DCLK1: variants seen among roughly 807,000 people sequenced by gnomAD.
DCLK1 encodes serine/threonine-protein kinase DCLK1.
A neutral mutation model predicts 86.2 loss-of-function variants in DCLK1; 16 were observed. The ratio of observed to expected loss-of-function variants is 0.19; its 90% CI spans 0.13 to 0.28. The LOEUF (loss-of-function observed/expected upper bound fraction) is 0.28. Ranked by LOEUF, DCLK1 falls within the 10% of genes least tolerant of loss-of-function variation. The pLI is 1.00. For missense variants in DCLK1, 590 were observed against 940.2 expected, an observed-to-expected ratio of 0.63 and a Z score of 4.87; for synonymous variants, 369 against 370.5, an observed-to-expected ratio of 1.00 and a Z score of 0.05.
chr13:35,855,756 C>T, intron 5 of DCLK1: 1 of 1,302,128 alleles, frequency 7.7e-7, no homozygotes, highest in Middle Eastern at 2.9e-4. Flanking sequence ...TAGGCTACAT[C>T]AAAGGTGTCA....
chr13:35,984,769 C>T (rs1464204053), intron 3 of DCLK1, among the ~76,000 whole-genome samples: 3 of 152,100 alleles, frequency 2.0e-5, no homozygotes, highest in Non-Finnish European at 4.4e-5. Context: ...CAGGTATCAC[C>T]TCTCTTCACT....
chr13:35,831,660 GCCGT>G (rs1868976829), intron 8 of DCLK1, among the ~76,000 whole-genome samples: 1 of 151,924 alleles, frequency 6.6e-6, no homozygotes, highest in Non-Finnish European at 1.5e-5. Flanking sequence ...GTGAATACAG[GCCGT>G]TTGCTTGCTT....
intron 3 of DCLK1, among the ~76,000 whole-genome samples, chr13:35,947,698 A>G (rs1877459642): frequency 6.6e-6 from 1 of 152,222 alleles, no homozygotes; most frequent in African/African-American, 2.4e-5. Flanking sequence ...CACATTTATT[A>G]CTTGATATAT....
rs1308391170 is a variant in DCLK1 at position 35,810,837 on chromosome 13, A to G, written c.1686T>C (p.Thr562=). ...TYVAPEIIAE[T]GYGLKVDIWA... is the part of the protein sequence containing the mutation. ...TTAAACATAAGAGAAGCATTTACCC[A>G]GTCTCTGCAATGATTTCTGGAGCCA... The change falls in exon 12 of 17, where the codon ACT becomes ACC. Residue 562 remains threonine (T), a splice_region_variant and synonymous_variant. Transcript: ENST00000360631. 22 of 1,613,412 alleles carry G rather than the reference A, an allele frequency of 1.4e-5. No homozygotes were observed. Among genetic ancestry groups the G allele is most frequent in the Admixed American group, 3.3e-5 (2 of 59,868 alleles).
intron 15 of DCLK1, among the ~76,000 whole-genome samples, chr13:35,797,836 C>T (rs527711130): frequency 3.2e-4 from 48 of 152,274 alleles, no homozygotes; most frequent in African/African-American, 1.1e-3. Context: ...AACTTACTGT[C>T]ATGCATCAAT....
At chr13:35,801,637 G>A (rs1345583307) in intron 15 of DCLK1, among the ~76,000 whole-genome samples, 2 of 152,116 alleles carry the variant, frequency 1.3e-5, no homozygotes, top group Non-Finnish European at 2.9e-5. Flanking sequence ...GGGAGCAATG[G>A]AACATAATTA....
rs368700114 is a variant in DCLK1, at chr13:35,820,702, A to G, written c.1554+2027T>C. ...GTCTGTTCCCATGAGACAATCCTACATAATTCAAGACACAGGAAAAATGAG... is the reference window on the plus strand; with the variant it reads ...GTCTGTTCCCATGAGACAATCCTACGTAATTCAAGACACAGGAAAAATGAG... On this transcript the variant is annotated intron_variant, in intron 11 of 16. Transcript: ENST00000360631. Among the ~76,000 whole-genome samples, 15 of 152,308 alleles carry G rather than the reference A, an allele frequency of 9.8e-5. No individual in the cohort carries two copies. The East Asian group carries it at 1.5e-3, about 16-fold the overall frequency.
At chr13:35,862,603 A>G (rs17181523) in intron 5 of DCLK1, among the ~76,000 whole-genome samples, 4,956 of 152,246 alleles carry the variant, frequency 0.033, 140 homozygotes, top group Middle Eastern at 0.068. Context: ...CAGCACAAAC[A>G]TACTTCCACG....
At chr13:35,971,901 C>T (rs1463712591) in intron 3 of DCLK1, among the ~76,000 whole-genome samples, 1 of 152,156 alleles carries the variant, frequency 6.6e-6, no homozygotes, top group Admixed American at 6.5e-5. Flanking sequence ...TGCACAAGGA[C>T]AGGGAGCAAG....
intron 3 of DCLK1, among the ~76,000 whole-genome samples, chr13:36,087,032 T>G (rs887304079): frequency 6.6e-6 from 1 of 152,220 alleles, no homozygotes; most frequent in Non-Finnish European, 1.5e-5. Context: ...TCTAGACCCT[T>G]GAGGAATCGC....
At chr13:35,909,567 T>A (rs80079676) in intron 4 of DCLK1, among the ~76,000 whole-genome samples, 3,092 of 149,406 alleles carry the variant, frequency 0.021, 43 homozygotes, top group Middle Eastern at 0.049. Flanking sequence ...AAACCCTCAA[T>A]AAACTCTGGT....
intron 3 of DCLK1, among the ~76,000 whole-genome samples, chr13:36,045,155 C>T (rs1882832794): frequency 6.7e-6 from 1 of 149,562 alleles, no homozygotes; most frequent in Admixed American, 6.7e-5. Context: ...TAGTGAACAC[C>T]TGTATACCCA....
intron 4 of DCLK1, among the ~76,000 whole-genome samples, chr13:35,945,674 G>C (rs1877341231): frequency 6.6e-6 from 1 of 152,162 alleles, no homozygotes; most frequent in Non-Finnish European, 1.5e-5. Context: ...AAACCGTGCT[G>C]TCAACTCTTC....
At chr13:35,937,847 T>A (rs184390372) in intron 4 of DCLK1, among the ~76,000 whole-genome samples, 136 of 152,296 alleles carry the variant, frequency 8.9e-4, no homozygotes, top group African/African-American at 3.0e-3. Context: ...TTTATTATTA[T>A]TTTTTAGCAA....
chr13:36,080,790 T>C (rs1398281599), intron 3 of DCLK1, among the ~76,000 whole-genome samples: 2 of 152,200 alleles, frequency 1.3e-5, no homozygotes, highest in Non-Finnish European at 2.9e-5. Flanking sequence ...CTTTCTGTTA[T>C]TGGGAAGAAA....
intron 3 of DCLK1, among the ~76,000 whole-genome samples, chr13:35,979,463 T>C (rs1216570919): frequency 6.6e-6 from 1 of 152,082 alleles, no homozygotes; most frequent in African/African-American, 2.4e-5. Context: ...TGACAGCCAA[T>C]CCATAAACAA....
chr13:36,130,464 G>A (rs533588774), intron 1 of DCLK1, among the ~76,000 whole-genome samples: 2 of 152,272 alleles, frequency 1.3e-5, no homozygotes, highest in Non-Finnish European at 2.9e-5. Flanking sequence ...AGCCTCTTTT[G>A]TGGGGCATTG....
intron 4 of DCLK1, among the ~76,000 whole-genome samples, chr13:35,877,743 C>A (rs1054494505): frequency 6.6e-6 from 1 of 152,176 alleles, no homozygotes; most frequent in African/African-American, 2.4e-5. Flanking sequence ...TTCTACCATA[C>A]CCTGATTACA....
At chr13:35,961,379 G>A (rs1175558118) in intron 3 of DCLK1, among the ~76,000 whole-genome samples, 1 of 152,120 alleles carries the variant, frequency 6.6e-6, no homozygotes, top group African/African-American at 2.4e-5. Context: ...TAAATCAGTG[G>A]TTTCCAGTTT....
Sources: gnomAD v4.1 joint callset for allele counts (sites outside exome capture counted in the v4.1 genomes callset) on GRCh38, gnomAD v4.1.1 for gene constraint, MANE v1.5 for transcripts, NCBI Gene and HGNC (gene_info 2026-07-23, HGNC 2026-07-21) for gene names.